Variants in ADRA1B observed in about 807,000 individuals in gnomAD.
ADRA1B encodes the protein adrenoceptor alpha 1B.
A neutral mutation model predicts 17.9 loss-of-function variants in ADRA1B; 17 were observed. The ratio of observed to expected loss-of-function variants is 0.95; its 90% confidence interval spans 0.65 to 1.42. The LOEUF is 1.42. ADRA1B is among the 40% of genes most tolerant of loss of function. ADRA1B has a pLI of 0.00. For synonymous variants in ADRA1B, 366 were observed against 327.6 expected, an observed-to-expected ratio of 1.12 and a Z score of -1.27; for missense variants, 681 against 722.1, an observed-to-expected ratio of 0.94 and a Z score of 0.65.
chr5:159,912,326 T>G (rs1754235205), upstream of ADRA1B, among the ~76,000 whole-genome samples: 1 of 152,208 alleles, frequency 6.6e-6, no homozygotes, highest in South Asian at 2.1e-4. Flanking sequence ...AGGCTCTTCA[T>G]CACTTCACTC....
At chr5:159,958,507 A>C (rs1341206730) in intron 1 of ADRA1B, among the ~76,000 whole-genome samples, 3 of 152,012 alleles carry the variant, frequency 2.0e-5, no homozygotes, top group East Asian at 3.9e-4. Context: ...GAGTTTACCC[A>C]TTTTCCTCAT....
chr5:159,913,597 T>C (rs1057220164), upstream of ADRA1B, among the ~76,000 whole-genome samples: 1 of 152,242 alleles, frequency 6.6e-6, no homozygotes, highest in South Asian at 2.1e-4. Flanking sequence ...TAAGTTCTCA[T>C]CTAGGTAACA....
intron 1 of ADRA1B, among the ~76,000 whole-genome samples, chr5:159,910,474 C>T (rs1412672037): frequency 6.6e-6 from 1 of 152,218 alleles, no homozygotes; most frequent in Non-Finnish European, 1.5e-5. Context: ...ATTTCTCCCT[C>T]TTTCTGGGCC....
At chr5:159,950,642 T>G in intron 1 of ADRA1B, 1 of 809,230 alleles carries the variant, frequency 1.2e-6, no homozygotes, top group Non-Finnish European at 2.2e-6. Flanking sequence ...GTGTCTCTGT[T>G]GAAGTCAGAG....
intron 1 of ADRA1B, chr5:159,868,402 A>G (rs367966435): frequency 2.3e-4 from 35 of 152,336 alleles, no homozygotes; most frequent in African/African-American, 7.5e-4. Context: ...ACTCAGAGTA[A>G]ACAAGAGTTG....
chr5:159,880,999 T>C (rs1035033803), intron 1 of ADRA1B, among the ~76,000 whole-genome samples: 1 of 152,108 alleles, frequency 6.6e-6, no homozygotes, highest in East Asian at 1.9e-4. Context: ...TAATTAAAGA[T>C]TGCCTGGTTT....
chr5:159,883,771 C>T (rs1340618783), intron 1 of ADRA1B, among the ~76,000 whole-genome samples: 1 of 152,162 alleles, frequency 6.6e-6, no homozygotes, highest in African/African-American at 2.4e-5. Context: ...ACTCAATGAA[C>T]CATAATTCAC....
At chr5:159,968,013 G>A (rs755865162) in intron 1 of ADRA1B, among the ~76,000 whole-genome samples, 10 of 152,302 alleles carry the variant, frequency 6.6e-5, no homozygotes, top group Middle Eastern at 3.4e-3. Flanking sequence ...CATGTGTTCT[G>A]TTGAATGGCC....
intron 1 of ADRA1B, chr5:159,948,128 A>G: frequency 1.0e-6 from 1 of 985,376 alleles, no homozygotes; most frequent in African/African-American, 1.7e-5. Context: ...CTCAATCCAT[A>G]CCAGTTCCCT....
intron 1 of ADRA1B, among the ~76,000 whole-genome samples, chr5:159,873,567 C>A (rs535518983): frequency 3.9e-5 from 6 of 152,174 alleles, no homozygotes; most frequent in Non-Finnish European, 8.8e-5. Context: ...ATCCTGTTTC[C>A]TCTCCCTTCC....
intron 1 of ADRA1B, among the ~76,000 whole-genome samples, chr5:159,898,912 G>A (rs945542322): frequency 6.6e-6 from 1 of 152,208 alleles, no homozygotes; most frequent in Non-Finnish European, 1.5e-5. Context: ...GAGAGGCAGA[G>A]GCAGGAGGAT....
At chr5:159,950,942 A>G (rs558760747) in intron 1 of ADRA1B, 130 of 569,724 alleles carry the variant, frequency 2.3e-4, no homozygotes, top group African/African-American at 1.2e-3. Context: ...GCCATCCACA[A>G]TCTTCTGGGT....
At chr5:159,951,485 T>C in intron 1 of ADRA1B, 1 of 699,020 alleles carries the variant, frequency 1.4e-6, no homozygotes, top group Non-Finnish European at 2.6e-6. Context: ...GACTCCAGCC[T>C]TCACCTTCAC....
At chr5:159,934,432 G>A (rs756804391) in intron 1 of ADRA1B, among the ~76,000 whole-genome samples, 10 of 151,964 alleles carry the variant, frequency 6.6e-5, no homozygotes, top group Non-Finnish European at 1.2e-4. Context: ...TGAGGAAGAC[G>A]GCTGGCACCT....
chr5:159,945,107 C>T (rs768609315), intron 1 of ADRA1B, among the ~76,000 whole-genome samples: 1 of 152,150 alleles, frequency 6.6e-6, no homozygotes, highest in African/African-American at 2.4e-5. Context: ...GGGCCGGGTG[C>T]GGTGGCTCAC....
In ADRA1B at chr5:159,939,278, AGTGTGTGTGTGTGTGTGT is replaced by A. The variant is rs70987981; in HGVS notation, c.949+21452_949+21469del. Among the ~76,000 whole-genome samples the A allele has an allele frequency of 6.3e-4, 62 of 98,360 alleles. 1 individual carries two copies. The highest frequency in any genetic ancestry group is 2.0e-3 in the African/African-American group (52 of 26,154). 64.5% of individuals were successfully genotyped at this position (98,360 alleles called of 152,430 possible). ...GAGAGAGAGAGAGAGAGAGAGAGAG[AGTGTGTGTGTGTGTGTGT>A]GTGTGTGTGTGTGTGTGTGTGTGTG... On this transcript the variant is annotated intron_variant, in intron 1 of 1. Coordinates refer to ENST00000306675, the MANE Select transcript of ADRA1B (RefSeq NM_000679.4).
At chr5:159,945,740 TTTTG>T (rs1261269163) in intron 1 of ADRA1B, among the ~76,000 whole-genome samples, 3 of 140,454 alleles carry the variant, frequency 2.1e-5, no homozygotes, top group African/African-American at 4.9e-5. Flanking sequence ...TGGTGGGTTT[TTTTG>T]TTTGTTTGTT....
chr5:159,899,438 C>G (rs1000012204), intron 1 of ADRA1B, among the ~76,000 whole-genome samples: 6 of 152,198 alleles, frequency 3.9e-5, no homozygotes, highest in African/African-American at 1.4e-4. Context: ...CAGCCAATGC[C>G]TGGAAAATTG....
At position 159,955,010 on chromosome 5, in the gene ADRA1B, G is replaced by A. The variant is rs1190069594; in HGVS notation, c.950-16869G>A. 1.0e-5 allele frequency: 4 copies of A among 398,784 alleles called. No homozygotes were observed. The Admixed American group carries it at 1.9e-4, about 19-fold the overall frequency. 24.7% of individuals were successfully genotyped at this position (398,784 alleles called of 1,614,324 possible). ...CCGGTAGACCTAGACTGAGAAGCAA[G>A]ATAAGGGTTCATCTTGCTGGAACCT... On this transcript the variant is annotated intron_variant, in intron 1 of 1. Transcript: ENST00000306675.
Sources: gnomAD v4.1 joint callset for allele counts (sites outside exome capture counted in the v4.1 genomes callset) on GRCh38, gnomAD v4.1.1 for gene constraint, MANE v1.5 for transcripts, NCBI Gene and HGNC (gene_info 2026-07-23, HGNC 2026-07-21) for gene names.